NSD1: variants seen among roughly 807,000 people sequenced by gnomAD.
NSD1 encodes the protein nuclear receptor binding SET domain protein 1.
NSD1 carries 26 observed loss-of-function variants against 242.7 expected under a neutral mutation model. The ratio of observed to expected loss-of-function variants is 0.11; its 90% CI spans 0.08 to 0.15. The LOEUF is 0.15. Among genes scored for constraint, NSD1 ranks in the 10% least tolerant of loss-of-function variants. The pLI, the probability that NSD1 is intolerant of heterozygous loss-of-function variation, is 1.00. For missense variants in NSD1, 2,495 were observed against 3,272.8 expected, an observed-to-expected ratio of 0.76 and a Z score of 5.80; for synonymous variants, 1,106 against 1,178.1, an observed-to-expected ratio of 0.94 and a Z score of 1.25.
At chr5:177,279,961 A>ATATTT (rs571980602) in intron 17 of NSD1, among the ~76,000 whole-genome samples, 9,717 of 139,998 alleles carry the variant, frequency 0.069, 738 homozygotes, top group African/African-American at 0.17. Flanking sequence ...TTTAAAGTTC[A>ATATTT]TATTTTATTT....
At chr5:177,220,527 G>T (rs1764146879) in intron 5 of NSD1, among the ~76,000 whole-genome samples, 2 of 148,976 alleles carry the variant, frequency 1.3e-5, no homozygotes, top group Non-Finnish European at 3.0e-5. Context: ...TCTTTAGATT[G>T]GGGAGTTTAA....
At chr5:177,147,692 C>T (rs961533568) in intron 2 of NSD1, among the ~76,000 whole-genome samples, 32 of 151,684 alleles carry the variant, frequency 2.1e-4, no homozygotes, top group African/African-American at 7.0e-4. Flanking sequence ...CAGGTTCAAG[C>T]GATTCTCCTG....
At chr5:177,220,723 A>G in intron 5 of NSD1, among the ~76,000 whole-genome samples, 1 of 151,842 alleles carries the variant, frequency 6.6e-6, no homozygotes, top group African/African-American at 2.4e-5. Context: ...AGCGTGCACC[A>G]ACACGCTTGG....
Position 177,294,129 on chromosome 5 carries a change from C to T in NSD1, c.6761C>T (p.Pro2254Leu), listed in dbSNP as rs1760079464. The change falls in exon 23 of 23, where the codon CCT becomes CTT. Residue 2254 changes from proline to leucine, a missense_variant. Pro to Leu is a moderately conservative substitution (Grantham distance 98). Transcript: ENST00000439151. ...CAGGCACCCAAAATGTCAGATAAAC[C>T]TCCTGCTGACACCAACCAGATGCTG... Reference protein sequence around the residue: ...AAQAPKMSDKPPADTNQMLSL... With the variant: ...AAQAPKMSDKLPADTNQMLSL... 6.2e-7 allele frequency: 1 copy of T among 1,614,032 alleles called. No homozygotes were observed. The highest frequency in any genetic ancestry group is 8.5e-7 in the Non-Finnish European group (1 of 1,180,030).
intron 4 of NSD1, among the ~76,000 whole-genome samples, chr5:177,206,389 G>A (rs1448298360): frequency 2.0e-5 from 3 of 151,966 alleles, no homozygotes; most frequent in African/African-American, 7.3e-5. Flanking sequence ...ATCTTCTCAT[G>A]TCGGTTTCCC....
rs2127284082 is a variant in NSD1, at chr5:177,295,082, C to A, written c.7714C>A (p.Gln2572Lys). The A allele has an allele frequency of 6.2e-7, 1 of 1,611,688 alleles. No individual in the cohort carries two copies. The highest frequency in any genetic ancestry group is 8.5e-7 in the Non-Finnish European group (1 of 1,178,594). ...GAEQTPGPLS[Q>K]SPGLVKQAKQ... The stretch of plus-strand genomic sequence containing the variant: ...TGAGCAGACCCCAGGGCCTCTTAGC[C>A]AATCCCCGGGCCTGGTGAAGCAGGC... The change falls in exon 23 of 23, where the codon CAA (glutamine) becomes AAA (lysine). Residue 2572 changes from glutamine to lysine, a missense_variant. Gln to Lys is a moderately conservative substitution (Grantham distance 53, BLOSUM62 1). Coordinates refer to ENST00000439151, the MANE Select transcript of NSD1 (RefSeq NM_022455.5). This position sits in a 1 kb window ranked among gnomAD's most constrained non-coding sequence, Gnocchi z 4.3.
At chr5:177,273,120 G>T (rs1341288018) in intron 16 of NSD1, among the ~76,000 whole-genome samples, 2 of 152,126 alleles carry the variant, frequency 1.3e-5, no homozygotes, top group African/African-American at 4.8e-5. Flanking sequence ...TAAAGGCAGT[G>T]ACTTTGCTAA....
At chr5:177,228,302 C>T (rs1227401452) in intron 5 of NSD1, among the ~76,000 whole-genome samples, 2 of 150,486 alleles carry the variant, frequency 1.3e-5, no homozygotes, top group Non-Finnish European at 3.0e-5. Context: ...TACTCTGTCA[C>T]CCAGGATGGA....
At chr5:177,138,302 C>T (rs1233567578) in intron 2 of NSD1, among the ~76,000 whole-genome samples, 1 of 152,158 alleles carries the variant, frequency 6.6e-6, no homozygotes, top group Non-Finnish European at 1.5e-5. Flanking sequence ...GTCACCCAGG[C>T]TGGAGTGTAG....
chr5:177,206,742 T>C (rs745898143), intron 4 of NSD1, among the ~76,000 whole-genome samples: 1 of 152,172 alleles, frequency 6.6e-6, no homozygotes, highest in African/African-American at 2.4e-5. Context: ...GTTAAGTCTT[T>C]AGGTACGTAG....
chr5:177,252,797 C>CTTTTTT (rs758066435), intron 12 of NSD1, among the ~76,000 whole-genome samples: 1 of 144,594 alleles, frequency 6.9e-6, no homozygotes, highest in Non-Finnish European at 1.5e-5. Flanking sequence ...CTCTCTCTCC[C>CTTTTTT]TTTTTTTTTT....
At chr5:177,204,097 C>G in intron 3 of NSD1, 23 bp from the exon 4 acceptor site, 1 of 1,610,260 alleles carries the variant, frequency 6.2e-7, no homozygotes, top group Non-Finnish European at 8.5e-7. Context: ...TCTAATGATT[C>G]TGGTTCTCTT....
intron 2 of NSD1, among the ~76,000 whole-genome samples, chr5:177,159,699 A>G (rs960309882): frequency 2.0e-5 from 3 of 149,072 alleles, no homozygotes; most frequent in Non-Finnish European, 3.0e-5. Flanking sequence ...ACGTTCAAGC[A>G]ATTCTGCCTC....
intron 2 of NSD1, among the ~76,000 whole-genome samples, chr5:177,185,390 G>A (rs1203356051): frequency 3.3e-5 from 5 of 151,820 alleles, no homozygotes; most frequent in Non-Finnish European, 5.9e-5. Flanking sequence ...CTGAGGTCAG[G>A]AGTTCGAGAC....
At chr5:177,136,555 C>A (rs1054925936) in intron 2 of NSD1, among the ~76,000 whole-genome samples, 1 of 151,454 alleles carries the variant, frequency 6.6e-6, no homozygotes, top group Non-Finnish European at 1.5e-5. Flanking sequence ...TCTGAACTAC[C>A]TGTTTTGAAG....
intron 2 of NSD1, among the ~76,000 whole-genome samples, chr5:177,161,270 T>A (rs891095323): frequency 6.6e-6 from 1 of 151,960 alleles, no homozygotes; most frequent in Non-Finnish European, 1.5e-5. Flanking sequence ...TGGTCCCAGC[T>A]ACTTGGGTGG....
At position 177,296,817 on chromosome 5, in the gene NSD1, A is replaced by G; in HGVS notation, c.*1358A>G. The G allele has an allele frequency of 4.3e-6, 1 of 233,348 alleles. No individual in the cohort carries two copies. 14.5% of individuals were successfully genotyped at this position (233,348 alleles called of 1,614,324 possible). On this transcript the variant is annotated 3_prime_UTR_variant, in exon 23 of 23. Coordinates refer to ENST00000439151, the MANE Select transcript of NSD1 (RefSeq NM_022455.5). ...CATTCACCCAGCTCACAGACTGCCA[A>G]CAGGAAGTGCTGTTTGGCTAGTTTC...
chr5:177,280,459 G>A (rs1205956865), intron 17 of NSD1, 106 bp from the exon 18 acceptor site: 12 of 1,243,614 alleles, frequency 9.6e-6, no homozygotes, highest in Non-Finnish European at 1.4e-5. Context: ...TCAAAATCAT[G>A]GGAAATGTGG....
chr5:177,244,235 C>T lies in NSD1; in HGVS notation c.4343C>T (p.Ser1448Phe). The T allele has an allele frequency of 6.2e-7, 1 of 1,613,638 alleles. No individual in the cohort carries two copies. Among genetic ancestry groups the T allele is most frequent in the Non-Finnish European group, 8.5e-7 (1 of 1,179,704 alleles). The change falls in exon 9 of 23, where the codon TCT (serine) becomes TTT (phenylalanine). Residue 1448 changes from serine (S) to phenylalanine (F), a missense_variant. This residue lies in a region of NSD1 where 100 missense variants were observed against 190.7 expected (regional missense o/e 0.52). Transcript: ENST00000439151. Reference sequence around the variant, plus strand: ...CACCTGGAGAATGGCATAACTGAATCTTGTGCCACATCTTATTCAAAAGAT... The same window carrying T: ...CACCTGGAGAATGGCATAACTGAATTTTGTGCCACATCTTATTCAAAAGAT... ...AGHLENGITE[S>F]CATSYSKDFG...
Sources: allele counts gnomAD v4.1 joint callset (sites outside exome capture counted in the v4.1 genomes callset), GRCh38; gene constraint gnomAD v4.1.1; regional missense constraint gnomAD v4.1.1; non-coding constraint Gnocchi (gnomAD v3.1); transcripts MANE v1.5; gene names NCBI Gene and HGNC (gene_info 2026-07-23, HGNC 2026-07-21).